KHDRBS2: variants seen among roughly 807,000 people sequenced by gnomAD.
The protein encoded by KHDRBS2 is KH domain-containing, RNA-binding, signal transduction-associated protein 2.
Under a neutral mutation model 44.3 loss-of-function variants are expected in KHDRBS2, and 26 were observed. The ratio of observed to expected loss-of-function variants is 0.59; its 90% CI spans 0.43 to 0.81. The LOEUF (loss-of-function observed/expected upper bound fraction) is 0.81, where lower values mean the gene tolerates loss of function less well. Among genes scored for constraint, KHDRBS2 ranks in the 40% least tolerant of loss-of-function variants. The pLI, the probability that KHDRBS2 is intolerant of heterozygous loss-of-function variation, is 0.00. For synonymous variants in KHDRBS2, 194 were observed against 151.1 expected (o/e 1.28, Z -2.08); for missense variants, 476 against 433.1 (o/e 1.10, Z -0.88).
chr6:61,981,781 C>A (rs1284163410), intron 3 of KHDRBS2, among the ~76,000 whole-genome samples: 4 of 152,086 alleles, frequency 2.6e-5, no homozygotes, highest in African/African-American at 9.7e-5. Context: ...TAATTAGGTT[C>A]ATTTGATATG....
the KHDRBS2 span, among the ~76,000 whole-genome samples, chr6:61,661,577 C>T: frequency 6.6e-6 from 1 of 151,872 alleles, no homozygotes; most frequent in Non-Finnish European, 1.5e-5. Context: ...AACACTTTCA[C>T]TTTCAGCAGT....
rs542502635 is a variant in KHDRBS2, at chr6:62,071,674, A to G, written c.220-23680T>C. On this transcript the variant is annotated intron_variant, in intron 2 of 8. Coordinates refer to ENST00000281156, the MANE Select transcript of KHDRBS2 (RefSeq NM_152688.4). ...GTAGATATGTGGCATTATTTCTGAG[A>G]GCTCTGTTCTGTTCCATTGGTCTAT... Among the ~76,000 whole-genome samples the G allele has an allele frequency of 1.4e-4, 22 of 151,930 alleles. No homozygotes were observed. In the South Asian group the frequency reaches 2.1e-3, roughly 14 times the overall value.
intron 3 of KHDRBS2, among the ~76,000 whole-genome samples, chr6:62,042,034 TATATTCCAA>T (rs1025491119): frequency 6.6e-6 from 1 of 152,130 alleles, no homozygotes; most frequent in Non-Finnish European, 1.5e-5. Context: ...TTTGGTCATG[TATATTCCAA>T]ATATAACACA....
At chr6:62,213,873 CAAAAAAAAAAAAAAAAA>C (rs67482871) in intron 1 of KHDRBS2, among the ~76,000 whole-genome samples, 2 of 41,488 alleles carry the variant, frequency 4.8e-5, no homozygotes, top group African/African-American at 1.8e-4. Flanking sequence ...GACTCCATCT[CAAAAAAAAAAAAAAAAA>C]AAAAAAAAAA....
At chr6:61,929,934 T>C (rs1809696829) in intron 4 of KHDRBS2, among the ~76,000 whole-genome samples, 1 of 152,138 alleles carries the variant, frequency 6.6e-6, no homozygotes, top group African/African-American at 2.4e-5. Flanking sequence ...CTTCCTATGG[T>C]CTGAATGTGC....
intron 2 of KHDRBS2, among the ~76,000 whole-genome samples, chr6:62,066,186 A>G (rs1793677662): frequency 6.6e-6 from 1 of 151,780 alleles, no homozygotes; most frequent in African/African-American, 2.4e-5. Flanking sequence ...TCTTAATTAT[A>G]ACTACAGCTC....
the KHDRBS2 span, among the ~76,000 whole-genome samples, chr6:61,602,946 G>A: frequency 6.6e-6 from 1 of 151,954 alleles, no homozygotes; most frequent in Non-Finnish European, 1.5e-5. Flanking sequence ...TTTCCCCCCA[G>A]TTCAAAGCCT....
rs538321053 is a variant in KHDRBS2, at chr6:62,034,153, A to G, written c.336+13725T>C. ...AACCTAAAAAGACCAACAACAAGTA[A>G]TGAGATCAAAGCCATAATAAAAAGT... On this transcript the variant is annotated intron_variant, in intron 3 of 8. Transcript: ENST00000281156. Among the ~76,000 whole-genome samples the G allele has an allele frequency of 2.6e-5, 4 of 151,984 alleles. No individual in the cohort carries two copies. The East Asian group carries it at 7.8e-4, about 29-fold the overall frequency.
chr6:61,955,928 G>A (rs561637698), intron 4 of KHDRBS2, among the ~76,000 whole-genome samples: 1 of 152,200 alleles, frequency 6.6e-6, no homozygotes, highest in South Asian at 2.1e-4. Flanking sequence ...CATAGCTACA[G>A]CTAGTAAGCA....
the KHDRBS2 span, among the ~76,000 whole-genome samples, chr6:61,560,693 C>T: frequency 6.6e-6 from 1 of 152,122 alleles, no homozygotes; most frequent in Admixed American, 6.6e-5. Context: ...CTACATTTCT[C>T]TGATAGAATT....
At chr6:61,743,759 C>T (rs1470700364) in intron 6 of KHDRBS2, among the ~76,000 whole-genome samples, 3 of 149,398 alleles carry the variant, frequency 2.0e-5, no homozygotes, top group Non-Finnish European at 4.4e-5. Flanking sequence ...TTAAGTATAT[C>T]TCTTAATGCT....
chr6:61,704,857 C>A (rs1769250908), intron 7 of KHDRBS2, among the ~76,000 whole-genome samples: 1 of 151,706 alleles, frequency 6.6e-6, no homozygotes. Context: ...TGTTTTTACA[C>A]CTATATTTCC....
chr6:61,673,532 C>G, the KHDRBS2 span, among the ~76,000 whole-genome samples: 1 of 145,970 alleles, frequency 6.9e-6, no homozygotes, highest in African/African-American at 2.5e-5. Flanking sequence ...ACCCCATCGT[C>G]TCAGCCCAAA....
chr6:61,907,427 AT>A (rs1448829811), intron 4 of KHDRBS2, among the ~76,000 whole-genome samples: 1 of 152,008 alleles, frequency 6.6e-6, no homozygotes, highest in African/African-American at 2.4e-5. Flanking sequence ...TCATTTATCC[AT>A]TTTTGTTTTA....
At chr6:61,618,471 T>A in the KHDRBS2 span, among the ~76,000 whole-genome samples, 5 of 152,250 alleles carry the variant, frequency 3.3e-5, no homozygotes, top group Non-Finnish European at 7.3e-5. Flanking sequence ...CTATTTATTT[T>A]AACTTTTATT....
intron 2 of KHDRBS2, among the ~76,000 whole-genome samples, chr6:62,055,681 A>C (rs1584398361): frequency 6.6e-6 from 1 of 152,058 alleles, no homozygotes; most frequent in East Asian, 2.0e-4. Context: ...TGTGTTGTCA[A>C]CTCCACACCA....
chr6:61,908,227 T>G (rs531683115), intron 4 of KHDRBS2, among the ~76,000 whole-genome samples: 176 of 152,158 alleles, frequency 1.2e-3, no homozygotes, highest in Admixed American at 2.4e-3. Flanking sequence ...TAGACAAATA[T>G]TTACCTAAGT....
At chr6:62,063,115 T>G (rs892239977) in intron 2 of KHDRBS2, among the ~76,000 whole-genome samples, 8 of 115,468 alleles carry the variant, frequency 6.9e-5, no homozygotes, top group African/African-American at 1.8e-4. Context: ...AATAACAGGA[T>G]CTGAAATTGA....
At chr6:61,634,056 G>T in the KHDRBS2 span, among the ~76,000 whole-genome samples, 1 of 152,020 alleles carries the variant, frequency 6.6e-6, no homozygotes, top group Non-Finnish European at 1.5e-5. Context: ...ATTTCACACT[G>T]AGCTACGTAT....
Sources: allele counts gnomAD v4.1 joint callset (sites outside exome capture counted in the v4.1 genomes callset), GRCh38; gene constraint gnomAD v4.1.1; transcripts MANE v1.5; gene names NCBI Gene and HGNC (gene_info 2026-07-23, HGNC 2026-07-21).